The following PNPLA7 variants were observed in gnomAD, a reference collection of about 807,000 sequenced individuals.
The protein encoded by PNPLA7 is patatin like domain 7, lysophospholipase, also known as patatin-like phospholipase domain-containing protein 7.
Under a neutral mutation model 161.7 loss-of-function variants are expected in PNPLA7, and 153 were observed. The observed-to-expected ratio is 0.95, with a 90% CI of 0.83 to 1.08. The LOEUF (loss-of-function observed/expected upper bound fraction) is 1.08. PNPLA7 is among the 50% of genes least tolerant of loss of function. The pLI, the probability that PNPLA7 is intolerant of heterozygous loss-of-function variation, is 0.00. For missense variants in PNPLA7, 1,739 were observed against 1,856.6 expected (o/e 0.94, Z 1.16); for synonymous variants, 809 against 782.1 (o/e 1.03, Z -0.57).
intron 1 of PNPLA7, among the ~76,000 whole-genome samples, chr9:137,548,625 G>A (rs1400393457): frequency 6.6e-6 from 1 of 152,212 alleles, no homozygotes; most frequent in Non-Finnish European, 1.5e-5. Flanking sequence ...GTGGGTGCCT[G>A]TAGTCCCAGC....
chr9:137,535,560 C>T (rs1479312417), intron 8 of PNPLA7, among the ~76,000 whole-genome samples: 6 of 151,912 alleles, frequency 3.9e-5, no homozygotes, highest in Non-Finnish European at 7.4e-5. Context: ...TGAGACCAGC[C>T]TGACCAACAT....
Position 137,540,689 on chromosome 9 carries a change from C to A in PNPLA7, c.700G>T (p.Ala234Ser), listed in dbSNP as rs779092858. 5.0e-6 allele frequency: 8 copies of A among 1,612,134 alleles called. No homozygotes were observed. Among genetic ancestry groups the A allele is most frequent in the Non-Finnish European group, 6.8e-6 (8 of 1,179,408 alleles). Residue 234 changes from alanine to serine, a missense_variant, in exon 8 of 35, where the codon GCG (alanine) becomes TCG (serine). This residue lies in a region of PNPLA7 where 152 missense variants were observed against 193.5 expected (regional missense o/e 0.79). Coordinates refer to ENST00000406427, the MANE Select transcript of PNPLA7 (RefSeq NM_001098537.3). The surrounding 1 kb of genome is among the most constrained non-coding windows in gnomAD (Gnocchi z 5.1). ...GTEVVVKEVL[A>S]GDSVHSLLSI... ...AGCAGGCTGTGGACGCTGTCTCCCG[C>A]CAGAACCTCTTTCACCACCACCTCG...
rs1221295913 is a variant in PNPLA7, at chr9:137,484,602, C to A, written c.2332G>T (p.Ala778Ser). The change falls in exon 21 of 35, where the codon GCC (alanine) becomes TCC (serine). Residue 778 changes from alanine to serine, a missense_variant. Physicochemically the swap from Ala to Ser is moderately conservative, Grantham distance 99. Transcript: ENST00000406427. ...LTAFALELEHALSAIGPTLLL... is the reference protein window; with the variant it reads ...LTAFALELEHSLSAIGPTLLL... ...TCAGGCTTACCGATGGCGCTGAGGG[C>A]ATGCTCCAGCTCCAGGGCGAAGGCG... 1.9e-6 allele frequency: 3 copies of A among 1,609,628 alleles called. No individual in the cohort carries two copies. The highest frequency in any genetic ancestry group is 1.1e-5 in the South Asian group (1 of 90,456).
At chr9:137,493,559 A>T (rs1832885127) in intron 19 of PNPLA7, among the ~76,000 whole-genome samples, 1 of 152,260 alleles carries the variant, frequency 6.6e-6, no homozygotes, top group Admixed American at 6.5e-5. Flanking sequence ...CGGTCCCCAC[A>T]CCAGGGGTTG....
Position 137,540,635 on chromosome 9 carries a change from G to A in PNPLA7, c.747+7C>T, listed in dbSNP as rs3750382. 0.039 allele frequency: 62,824 copies of A among 1,607,676 alleles called. 1,425 individuals are homozygous for A. The highest frequency in any genetic ancestry group is 0.075 in the East Asian group (3,351 of 44,720). ...GCGCCCGGAGGGCCAGGCAGCGGGG[G>A]ACTCACGGTGATGATGTCCAGGATG... On this transcript the variant is annotated splice_region_variant and intron_variant, in intron 8 of 34. Transcript: ENST00000406427. This position sits in a 1 kb window ranked among gnomAD's most constrained non-coding sequence, Gnocchi z 5.1.
chr9:137,510,480 G>C (rs373489478), intron 12 of PNPLA7, among the ~76,000 whole-genome samples: 1 of 152,254 alleles, frequency 6.6e-6, no homozygotes, highest in African/African-American at 2.4e-5. Context: ...TCTCTGCCTC[G>C]GCTGCCAGGC....
intron 14 of PNPLA7, among the ~76,000 whole-genome samples, chr9:137,502,348 C>G (rs1029241053): frequency 2.0e-5 from 3 of 152,130 alleles, no homozygotes; most frequent in South Asian, 4.1e-4. Flanking sequence ...GAAGCCCCAC[C>G]CAGCATCTTT....
rs185537520 is a variant in PNPLA7, at chr9:137,546,384, G to T, written c.273+446C>A. ...CACTACTGGTCTCCGCGTCTTGGTG[G>T]TAGTGGTCCCCAGGACCCAGCTGTC... is the stretch of plus-strand genomic sequence containing the variant. On this transcript the variant is annotated intron_variant, in intron 4 of 34. Transcript: ENST00000406427. 3.3e-5 allele frequency among the ~76,000 whole-genome samples: 5 copies of T among 152,152 alleles called. No homozygotes were observed. The East Asian group carries it at 7.7e-4, about 24-fold the overall frequency.
At chr9:137,469,831 T>G (rs939947090) in intron 25 of PNPLA7, among the ~76,000 whole-genome samples, 1 of 152,052 alleles carries the variant, frequency 6.6e-6, no homozygotes, top group Non-Finnish European at 1.5e-5. Flanking sequence ...GCATCAATGA[T>G]GAACAGGAAA....
At chr9:137,487,266 C>T (rs1832533464) in intron 20 of PNPLA7, among the ~76,000 whole-genome samples, 2 of 152,254 alleles carry the variant, frequency 1.3e-5, no homozygotes, top group Non-Finnish European at 2.9e-5. Flanking sequence ...CCAGCTTCTG[C>T]CAAGGGCTGT....
chr9:137,463,405 A>G lies in PNPLA7; in HGVS notation c.3343+10T>C. 1 of 1,596,180 alleles carries G rather than the reference A, an allele frequency of 6.3e-7. No individual in the cohort carries two copies. Among genetic ancestry groups the G allele is most frequent in the Non-Finnish European group, 8.5e-7 (1 of 1,170,440 alleles). On this transcript the variant is annotated intron_variant, in intron 29 of 34. Transcript: ENST00000406427. ...TGCTCCTGCCGGGCGTGGTCCCCCC[A>G]CCGCAGTACCTGGGAGGTTGTTGAT...
intron 27 of PNPLA7, 25 bp downstream of exon 27, chr9:137,464,315 T>C (rs375990249): frequency 1.9e-6 from 3 of 1,609,174 alleles, no homozygotes; most frequent in Admixed American, 1.7e-5. Flanking sequence ...GGGGGCTGCA[T>C]GGGCTCCTGA....
In PNPLA7 at chr9:137,540,614, C is replaced by T. The variant is rs200666250; in HGVS notation, c.747+28G>A. ...GCCTCCGGGGCCAACCCAGGGGCGC[C>T]CGGAGGGCCAGGCAGCGGGGGACTC... On this transcript the variant is annotated intron_variant, in intron 8 of 34. Transcript: ENST00000406427. This position sits in a 1 kb window ranked among gnomAD's most constrained non-coding sequence, Gnocchi z 5.1. 361 of 1,593,508 alleles carry T rather than the reference C, an allele frequency of 2.3e-4. 2 individuals are homozygous for T. In the African/African-American group the frequency reaches 4.3e-3, roughly 19 times the overall value.
At chr9:137,502,605 G>A (rs954453871) in intron 14 of PNPLA7, among the ~76,000 whole-genome samples, 5 of 134,764 alleles carry the variant, frequency 3.7e-5, no homozygotes, top group Middle Eastern at 3.9e-3. Flanking sequence ...AGGAGGAGCC[G>A]TGGGAGGTTC....
Position 137,520,055 on chromosome 9 carries a change from G to A in PNPLA7, c.958-12C>T. 2 of 1,611,764 alleles carry A rather than the reference G, an allele frequency of 1.2e-6. No homozygotes were observed. Among genetic ancestry groups the A allele is most frequent in the Non-Finnish European group, 1.7e-6 (2 of 1,179,740 alleles). On this transcript the variant is annotated splice_polypyrimidine_tract_variant and intron_variant, in intron 10 of 34. Coordinates refer to ENST00000406427, the MANE Select transcript of PNPLA7 (RefSeq NM_001098537.3). This position sits in a 1 kb window ranked among gnomAD's most constrained non-coding sequence, Gnocchi z 5.2. ...ATGGCCTGGCTCTCCTGGGACACAAGAAGGAAGTTCAGTGCCACCCCAGGA... is the reference window on the plus strand; with the variant it reads ...ATGGCCTGGCTCTCCTGGGACACAAAAAGGAAGTTCAGTGCCACCCCAGGA...
At chr9:137,539,000 C>G (rs1836041747) in intron 8 of PNPLA7, among the ~76,000 whole-genome samples, 1 of 152,102 alleles carries the variant, frequency 6.6e-6, no homozygotes, top group Non-Finnish European at 1.5e-5. Flanking sequence ...TGCAGTGAGC[C>G]AAGATCGTGG....
chr9:137,501,687 A>G lies in PNPLA7; in HGVS notation c.1514T>C (p.Val505Ala). The change falls in exon 15 of 35, where the codon GTT becomes GCT. Residue 505 changes from valine to alanine, a missense_variant. Physicochemically the swap from Val to Ala is moderately conservative, Grantham distance 64 (BLOSUM62 0). This residue lies in a region of PNPLA7 where 481 missense variants were observed against 450.0 expected (regional missense o/e 1.07). Transcript: ENST00000406427. ...LLDGRVALLHVPAGTVVSRQG... is the reference protein window; with the variant it reads ...LLDGRVALLHAPAGTVVSRQG... ...CCTTGACACCACCGTGCCTGCAGGA[A>G]CGTGCAGAAGCGCCACCCGGCCATC... is the stretch of plus-strand genomic sequence containing the variant. 6.2e-7 allele frequency: 1 copy of G among 1,612,660 alleles called. No individual in the cohort carries two copies. Among genetic ancestry groups the G allele is most frequent in the Non-Finnish European group, 8.5e-7 (1 of 1,179,892 alleles).
At chr9:137,497,488 G>T (rs1833127503) in intron 17 of PNPLA7, among the ~76,000 whole-genome samples, 178 bp from the exon 18 acceptor site, 1 of 152,216 alleles carries the variant, frequency 6.6e-6, no homozygotes, top group African/African-American at 2.4e-5. Flanking sequence ...ACAGGCCTGG[G>T]TTGTTTTAAA....
chr9:137,472,801 A>G (rs966717869), intron 25 of PNPLA7, among the ~76,000 whole-genome samples: 5 of 151,804 alleles, frequency 3.3e-5, no homozygotes, highest in African/African-American at 1.2e-4. Context: ...CTAAAAATAC[A>G]AAAATTAGCC....
Sources: allele counts gnomAD v4.1 joint callset (sites outside exome capture counted in the v4.1 genomes callset), GRCh38; gene constraint gnomAD v4.1.1; regional missense constraint gnomAD v4.1.1; non-coding constraint Gnocchi (gnomAD v3.1); transcripts MANE v1.5; gene names NCBI Gene and HGNC (gene_info 2026-07-23, HGNC 2026-07-21).